GMEB2: variants seen among roughly 807,000 people sequenced by gnomAD.
GMEB2 encodes glucocorticoid modulatory element binding protein 2, also known as glucocorticoid modulatory element-binding protein 2.
Under a neutral mutation model 45.7 loss-of-function variants are expected in GMEB2, and 7 were observed. That is an observed-to-expected ratio of 0.15 (90% confidence interval 0.09 to 0.29). GMEB2 has a LOEUF of 0.29. Among genes scored for constraint, GMEB2 ranks in the 10% least tolerant of loss-of-function variants. The pLI, the probability that GMEB2 is intolerant of heterozygous loss-of-function variation, is 1.00. For missense variants in GMEB2, 582 were observed against 739.2 expected (o/e 0.79, Z 2.47); for synonymous variants, 322 against 323.6 (o/e 1.00, Z 0.05).
chr20:63,594,692 T>A (rs1016426156), intron 6 of GMEB2, among the ~76,000 whole-genome samples: 3 of 152,140 alleles, frequency 2.0e-5, no homozygotes, highest in African/African-American at 7.2e-5. Context: ...TGGAAACACA[T>A]CACCAAAGAC....
At chr20:63,605,517 C>T (rs1404006538) in intron 2 of GMEB2, among the ~76,000 whole-genome samples, 3 of 128,870 alleles carry the variant, frequency 2.3e-5, no homozygotes, top group South Asian at 2.4e-4. Context: ...AGCAAGATGC[C>T]GTCAAAATTA....
chr20:63,622,822 C>A (rs2089648604), intron 1 of GMEB2, among the ~76,000 whole-genome samples: 1 of 152,194 alleles, frequency 6.6e-6, no homozygotes, highest in African/African-American at 2.4e-5. Context: ...AGGAAAGACC[C>A]ATTCTCAAAG....
intron 3 of GMEB2, among the ~76,000 whole-genome samples, chr20:63,603,828 G>T (rs1375895111): frequency 6.6e-6 from 1 of 152,164 alleles, no homozygotes; most frequent in East Asian, 1.9e-4. Context: ...CCAGGTGGGT[G>T]GATCACCTGA....
chr20:63,612,432 A>G (rs1372853120), intron 2 of GMEB2, among the ~76,000 whole-genome samples: 1 of 152,190 alleles, frequency 6.6e-6, no homozygotes, highest in Non-Finnish European at 1.5e-5. Context: ...CATAACCAAG[A>G]AGCCCCAGCC....
intron 2 of GMEB2, among the ~76,000 whole-genome samples, chr20:63,618,750 G>A (rs2089625588): frequency 6.6e-6 from 1 of 152,186 alleles, no homozygotes; most frequent in African/African-American, 2.4e-5. Flanking sequence ...AGCAGAGGCA[G>A]GAGTGACACC....
At chr20:63,614,485 G>C (rs192854912) in intron 2 of GMEB2, among the ~76,000 whole-genome samples, 9 of 152,264 alleles carry the variant, frequency 5.9e-5, no homozygotes, top group African/African-American at 1.7e-4. Flanking sequence ...CAGTGTCAAG[G>C]AAAAACACCC....
intron 2 of GMEB2, among the ~76,000 whole-genome samples, chr20:63,617,037 C>A (rs149023479): frequency 2.6e-5 from 4 of 151,776 alleles, no homozygotes; most frequent in East Asian, 1.9e-4. Flanking sequence ...TACAGTGGCA[C>A]GATCACGGCT....
At chr20:63,620,576 A>G (rs2089637634) in intron 1 of GMEB2, among the ~76,000 whole-genome samples, 1 of 152,206 alleles carries the variant, frequency 6.6e-6, no homozygotes, top group Non-Finnish European at 1.5e-5. Flanking sequence ...GGGCAAAGGG[A>G]AGAAAACTGA....
In GMEB2 at chr20:63,592,602, G is replaced by A; in HGVS notation, c.760C>T (p.His254Tyr). 6.2e-7 allele frequency: 1 copy of A among 1,612,260 alleles called. No individual in the cohort carries two copies. Among genetic ancestry groups the A allele is most frequent in the African/African-American group, 1.3e-5 (1 of 75,016 alleles). Residue 254 changes from histidine (H) to tyrosine (Y), a missense_variant, in exon 8 of 10, where the codon CAC (histidine) becomes TAC (tyrosine). His to Tyr is a moderately conservative substitution (Grantham distance 83). This residue lies in a region of GMEB2 where 462 missense variants were observed against 586.7 expected (regional missense o/e 0.79). Transcript: ENST00000370077. This position sits in a 1 kb window ranked among gnomAD's most constrained non-coding sequence, Gnocchi z 8.2. ...CTCATGGTCTCCACCAGCTCCTGGT[G>A]GAACTCCTGGATGACCTCGTCCAGC... ...GLLDEVIQEF[H>Y]QELVETMRGL... is the part of the protein sequence containing the mutation.
chr20:63,605,977 G>T (rs889541633), intron 2 of GMEB2, among the ~76,000 whole-genome samples: 1 of 151,946 alleles, frequency 6.6e-6, no homozygotes, highest in African/African-American at 2.4e-5. Context: ...AAACCCAGCA[G>T]GTGAAACCAG....
intron 2 of GMEB2, among the ~76,000 whole-genome samples, chr20:63,615,948 A>G (rs1430815436): frequency 1.3e-5 from 2 of 152,232 alleles, no homozygotes; most frequent in African/African-American, 4.8e-5. Context: ...GATCTATTCT[A>G]AGGTGTTGAC....
intron 4 of GMEB2, among the ~76,000 whole-genome samples, chr20:63,600,913 G>A (rs746949558): frequency 6.6e-6 from 1 of 152,042 alleles, no homozygotes; most frequent in African/African-American, 2.4e-5. Flanking sequence ...TGCATCAGGA[G>A]GCTCAAAGGG....
Position 63,588,550 on chromosome 20 carries a change from C to G in GMEB2, c.*1539G>C. The G allele has an allele frequency of 2.5e-6, 1 of 396,772 alleles. No individual in the cohort carries two copies. Among genetic ancestry groups the G allele is most frequent in the East Asian group, 3.6e-5 (1 of 28,108 alleles). The allele number at this position is 396,772 out of a possible 1,614,324, so 24.6% of individuals were successfully genotyped here. On this transcript the variant is annotated 3_prime_UTR_variant, in exon 10 of 10. Transcript: ENST00000370077. ...ACAAAAATGTAACAGAGAAAACAAACAAGACACAGCCTCAGTAGCTTGACA... is the reference window on the plus strand; with the variant it reads ...ACAAAAATGTAACAGAGAAAACAAAGAAGACACAGCCTCAGTAGCTTGACA...
rs1363301225 is a variant in GMEB2, at chr20:63,592,404, T to C, written c.829+129A>G. ...AAGTTCAGCCTCAGCACAGCAGGAGTCCCAAGCCTAGATTCAGCCTCCAAC... is the reference window on the plus strand; with the variant it reads ...AAGTTCAGCCTCAGCACAGCAGGAGCCCCAAGCCTAGATTCAGCCTCCAAC... On this transcript the variant is annotated intron_variant, in intron 8 of 9. Transcript: ENST00000370077. The surrounding 1 kb of genome is among the most constrained non-coding windows in gnomAD (Gnocchi z 8.2). The C allele has an allele frequency of 5.7e-6, 4 of 700,732 alleles. No individual in the cohort carries two copies. Among genetic ancestry groups the C allele is most frequent in the South Asian group, 3.7e-5 (2 of 53,668 alleles). 43.4% of individuals were successfully genotyped at this position (700,732 alleles called of 1,614,324 possible).
intron 4 of GMEB2, among the ~76,000 whole-genome samples, chr20:63,599,750 G>T (rs2146060620): frequency 6.6e-6 from 1 of 152,234 alleles, no homozygotes; most frequent in Admixed American, 6.5e-5. Flanking sequence ...AAACTCACAG[G>T]GTAATTGCCA....
intron 1 of GMEB2, among the ~76,000 whole-genome samples, chr20:63,621,334 C>T (rs1258401188): frequency 1.3e-5 from 2 of 152,174 alleles, no homozygotes; most frequent in African/African-American, 4.8e-5. Flanking sequence ...GTGATGGCTG[C>T]ACAATCACTG....
At chr20:63,626,808 C>A (rs995179543) in intron 1 of GMEB2, 148 bp downstream of exon 1, 1 of 147,044 alleles carries the variant, frequency 6.8e-6, no homozygotes, top group Non-Finnish European at 1.5e-5. Context: ...CTGACGCCGC[C>A]GCCCGCGCGG....
rs371963845 is a variant in GMEB2, at chr20:63,616,091, A to C, written c.131+3176T>G. 2.0e-4 allele frequency among the ~76,000 whole-genome samples: 30 copies of C among 152,342 alleles called. No individual in the cohort carries two copies. The East Asian group carries it at 3.3e-3, about 17-fold the overall frequency. ...CTACCATATATATTTTGTAATAAAAATGGTTATATTTAATTTTTTAAAGGC... is the reference window on the plus strand; with the variant it reads ...CTACCATATATATTTTGTAATAAAACTGGTTATATTTAATTTTTTAAAGGC... On this transcript the variant is annotated intron_variant, in intron 2 of 9. Coordinates refer to ENST00000370077, the MANE Select transcript of GMEB2 (RefSeq NM_012384.5).
At chr20:63,599,733 C>T (rs879102640) in intron 4 of GMEB2, among the ~76,000 whole-genome samples, 1 of 152,172 alleles carries the variant, frequency 6.6e-6, no homozygotes, top group Admixed American at 6.5e-5. Flanking sequence ...AATTCTAATA[C>T]AATTTCAAAC....
Sources: gnomAD v4.1 joint callset for allele counts (sites outside exome capture counted in the v4.1 genomes callset) on GRCh38, gnomAD v4.1.1 for gene constraint, gnomAD v4.1.1 regional missense constraint, Gnocchi (gnomAD v3.1) non-coding constraint, MANE v1.5 for transcripts, NCBI Gene and HGNC (gene_info 2026-07-23, HGNC 2026-07-21) for gene names.